Variants in ERBB4 observed in about 807,000 individuals in gnomAD.
ERBB4 encodes receptor tyrosine-protein kinase erbB-4.
In ERBB4, 42 loss-of-function variants were observed where a neutral mutation model predicts 158.0. The ratio of observed to expected loss-of-function variants is 0.27; its 90% CI spans 0.21 to 0.34. The LOEUF is 0.34. Ranked by LOEUF, ERBB4 falls within the 10% of genes least tolerant of loss-of-function variation. The pLI, the probability that ERBB4 is intolerant of heterozygous loss-of-function variation, is 1.00. For missense variants in ERBB4, 1,333 were observed against 1,624.1 expected (o/e 0.82, Z 3.08); for synonymous variants, 583 against 558.7 (o/e 1.04, Z -0.61).
intron 3 of ERBB4, among the ~76,000 whole-genome samples, chr2:211,805,806 A>C (rs551846440): frequency 1.3e-5 from 2 of 152,094 alleles, no homozygotes; most frequent in East Asian, 1.9e-4. Flanking sequence ...AATACAAAAA[A>C]AATTCTATTC....
intron 1 of ERBB4, among the ~76,000 whole-genome samples, chr2:212,209,560 C>T (rs912300965): frequency 1.3e-5 from 2 of 151,996 alleles, no homozygotes; most frequent in African/African-American, 4.8e-5. Flanking sequence ...ACTACTTGGG[C>T]TAAAATTCTG....
chr2:211,670,468 A>G (rs1175718173), intron 14 of ERBB4, among the ~76,000 whole-genome samples: 1 of 152,218 alleles, frequency 6.6e-6, no homozygotes, highest in Non-Finnish European at 1.5e-5. Flanking sequence ...TTTGAGGAAC[A>G]ATGAGTAAAC....
chr2:212,381,948 C>G (rs1365884118), intron 1 of ERBB4, among the ~76,000 whole-genome samples: 1 of 150,946 alleles, frequency 6.6e-6, no homozygotes, highest in African/African-American at 2.4e-5. Flanking sequence ...ACTCCAGTGC[C>G]TGTGTGATAT....
At chr2:212,410,704 TA>T (rs1484327292) in intron 1 of ERBB4, among the ~76,000 whole-genome samples, 2 of 152,058 alleles carry the variant, frequency 1.3e-5, no homozygotes, top group Non-Finnish European at 2.9e-5. Context: ...ACATGAAATA[TA>T]AATATGTATT....
At chr2:211,776,367 T>A (rs2075876402) in intron 4 of ERBB4, among the ~76,000 whole-genome samples, 1 of 152,184 alleles carries the variant, frequency 6.6e-6, no homozygotes, top group Admixed American at 6.5e-5. Flanking sequence ...TTTTGTTTAT[T>A]ACTAAAGATT....
At chr2:211,844,364 T>C (rs545788985) in intron 3 of ERBB4, among the ~76,000 whole-genome samples, 3 of 152,308 alleles carry the variant, frequency 2.0e-5, no homozygotes, top group Non-Finnish European at 4.4e-5. Context: ...CATAACCATG[T>C]AGATATAGTG....
intron 3 of ERBB4, among the ~76,000 whole-genome samples, chr2:211,872,178 C>G (rs1364858459): frequency 1.3e-5 from 2 of 152,140 alleles, no homozygotes; most frequent in Non-Finnish European, 2.9e-5. Flanking sequence ...AAGGCTAAAG[C>G]CTTTCACATC....
At chr2:212,117,667 G>T (rs537187524) in intron 2 of ERBB4, among the ~76,000 whole-genome samples, 1 of 152,150 alleles carries the variant, frequency 6.6e-6, no homozygotes, top group African/African-American at 2.4e-5. Context: ...TATGCATGCT[G>T]TATCTGAAAA....
At chr2:211,632,416 G>A (rs2070177325) in intron 16 of ERBB4, among the ~76,000 whole-genome samples, 1 of 151,954 alleles carries the variant, frequency 6.6e-6, no homozygotes, top group Non-Finnish European at 1.5e-5. Flanking sequence ...TGTTTTCTCA[G>A]TCCAATTTTT....
intron 1 of ERBB4, among the ~76,000 whole-genome samples, chr2:212,507,191 A>G (rs1488239556): frequency 1.3e-5 from 2 of 151,664 alleles, no homozygotes; most frequent in African/African-American, 2.4e-5. Flanking sequence ...TAAACCTACT[A>G]TTGGAGACCT....
intron 2 of ERBB4, among the ~76,000 whole-genome samples, chr2:212,050,516 A>C (rs933966167): frequency 1.3e-5 from 2 of 152,186 alleles, no homozygotes; most frequent in Non-Finnish European, 2.9e-5. Context: ...TTAAAACTTA[A>C]GTGATCTTCT....
intron 19 of ERBB4, among the ~76,000 whole-genome samples, chr2:211,570,325 C>CTTTTTTTT (rs769458178): frequency 0.04 from 4,176 of 105,048 alleles, 299 homozygotes; most frequent in African/African-American, 0.097. Context: ...CTAATTTTTG[C>CTTTTTTTT]TTTTTTTTTT....
At position 211,378,520 on chromosome 2, in the gene ERBB4, CA is replaced by C; in HGVS notation, c.*5094del. The C allele has an allele frequency of 8.6e-6, 2 of 232,904 alleles. No homozygotes were observed. The highest frequency in any genetic ancestry group is 1.1e-4 in the Admixed American group (2 of 17,776). 14.4% of individuals were successfully genotyped at this position (232,904 alleles called of 1,614,324 possible). Reference sequence around the variant, plus strand: ...TAAAAGATATTTGCCCACACAAACACAAGGGCCCCTGGCCCGACACAATGCC... The same window carrying C: ...TAAAAGATATTTGCCCACACAAACACAGGGCCCCTGGCCCGACACAATGCC... On this transcript the variant is annotated 3_prime_UTR_variant, in exon 28 of 28. Transcript: ENST00000342788.
intron 1 of ERBB4, among the ~76,000 whole-genome samples, chr2:212,293,714 G>C (rs2086291199): frequency 6.6e-6 from 1 of 151,872 alleles, no homozygotes; most frequent in South Asian, 2.1e-4. Context: ...TGGGCATGGT[G>C]GTGCATGCCT....
chr2:212,480,831 C>T (rs1689658250), intron 1 of ERBB4, among the ~76,000 whole-genome samples: 1 of 152,166 alleles, frequency 6.6e-6, no homozygotes, highest in Non-Finnish European at 1.5e-5. Context: ...CACTACTAAT[C>T]TTATGATTAT....
At chr2:211,448,966 A>G (rs1442162325) in intron 20 of ERBB4, among the ~76,000 whole-genome samples, 3 of 152,126 alleles carry the variant, frequency 2.0e-5, no homozygotes, top group Non-Finnish European at 4.4e-5. Flanking sequence ...AGTGTTCTCT[A>G]TTAAGACAAA....
chr2:211,718,419 A>G (rs1012891120), intron 7 of ERBB4, among the ~76,000 whole-genome samples: 1 of 152,226 alleles, frequency 6.6e-6, no homozygotes, highest in African/African-American at 2.4e-5. Context: ...GGATTTTGTA[A>G]TATTTGCATA....
intron 1 of ERBB4, among the ~76,000 whole-genome samples, chr2:212,385,560 A>G (rs1412995789): frequency 6.6e-6 from 1 of 151,948 alleles, no homozygotes; most frequent in African/African-American, 2.4e-5. Context: ...TTTATTTTCA[A>G]AATCAAGTTT....
chr2:211,608,520 A>G (rs544640028), intron 19 of ERBB4, among the ~76,000 whole-genome samples: 5 of 152,310 alleles, frequency 3.3e-5, no homozygotes, highest in African/African-American at 1.2e-4. Context: ...GCATATTAAT[A>G]CTGGTTTGTA....
Sources: allele counts gnomAD v4.1 joint callset (sites outside exome capture counted in the v4.1 genomes callset), GRCh38; gene constraint gnomAD v4.1.1; transcripts MANE v1.5; gene names NCBI Gene and HGNC (gene_info 2026-07-23, HGNC 2026-07-21).